The following CHRNG variants were observed in gnomAD, a reference collection of about 807,000 sequenced individuals.
CHRNG encodes the protein acetylcholine receptor subunit gamma.
A neutral mutation model predicts 65.2 loss-of-function variants in CHRNG; 72 were observed. The observed-to-expected ratio is 1.10, with a 90% confidence interval of 0.91 to 1.34. CHRNG has a LOEUF of 1.34. Ranked by LOEUF, CHRNG falls within the 40% of genes most tolerant of loss-of-function variation. CHRNG has a pLI of 0.00. For synonymous variants in CHRNG, 284 were observed against 290.2 expected, an observed-to-expected ratio of 0.98 and a Z score of 0.22; for missense variants, 637 against 680.1, an observed-to-expected ratio of 0.94 and a Z score of 0.70.
In CHRNG at chr2:232,541,257, TG is replaced by T; in HGVS notation, c.351-115del. ...GGGAACCAGTCAGGGGGTGACAGGCTGGTAGGGACTGGTGTCCCCAGGCCCC... is the reference window on the plus strand; with the variant it reads ...GGGAACCAGTCAGGGGGTGACAGGCTGTAGGGACTGGTGTCCCCAGGCCCC... On this transcript the variant is annotated intron_variant, in intron 4 of 11. Transcript: ENST00000651502. This position sits in a 1 kb window ranked among gnomAD's most constrained non-coding sequence, Gnocchi z 4.0. 1 of 1,281,558 alleles carries T rather than the reference TG, an allele frequency of 7.8e-7. No homozygotes were observed. The highest frequency in any genetic ancestry group is 1.1e-6 in the Non-Finnish European group (1 of 893,640). The allele number at this position is 1,281,558 out of a possible 1,614,324, so 79.4% of individuals were successfully genotyped here.
At chr2:232,543,486 C>CCCCG in intron 8 of CHRNG, 97 bp downstream of exon 8, 1 of 1,182,716 alleles carries the variant, frequency 8.5e-7, no homozygotes, top group South Asian at 1.3e-5. Context: ...ATCCACCCCC[C>CCCCG]CCATCCTCAA....
Position 232,544,562 on chromosome 2 carries a change from G to A in CHRNG, c.1231G>A (p.Ala411Thr). 1 of 1,613,192 alleles carries A rather than the reference G, an allele frequency of 6.2e-7. No individual in the cohort carries two copies. Among genetic ancestry groups the A allele is most frequent in the Non-Finnish European group, 8.5e-7 (1 of 1,179,682 alleles). ...QQWQRQGLVA[A>T]ALEKLEKGPE... is the part of the protein sequence containing the mutation. The stretch of plus-strand genomic sequence containing the variant: ...GTGGCAGCGGCAAGGGCTGGTGGCG[G>A]CAGCGCTGGAGAAGCTAGGTGAGAC... The change falls in exon 10 of 12, where the codon GCA becomes ACA. Residue 411 changes from alanine to threonine, a missense_variant. Coordinates refer to ENST00000651502, the MANE Select transcript of CHRNG (RefSeq NM_005199.5).
chr2:232,547,447 A>G lies in CHRNG; in HGVS notation c.*1731A>G, dbSNP rs1299978663. ...AAATAAAAAAATTACAAAACTGAAA[A>G]AAGAAAAGTGAAAGTGCCACATAAA... On this transcript the variant is annotated 3_prime_UTR_variant, in exon 12 of 12. Transcript: ENST00000651502. 6.6e-6 allele frequency among the ~76,000 whole-genome samples: 1 copy of G among 152,180 alleles called. No individual in the cohort carries two copies. Among genetic ancestry groups the G allele is most frequent in the Non-Finnish European group, 1.5e-5 (1 of 68,036 alleles).
In CHRNG at chr2:232,541,187, C is replaced by T. The variant is rs761156431; in HGVS notation, c.351-187C>T. 4.1e-4 allele frequency among the ~76,000 whole-genome samples: 27 copies of T among 66,414 alleles called. No individual in the cohort carries two copies. The highest frequency in any genetic ancestry group is 5.3e-4 in the Admixed American group (3 of 5,706). The allele number at this position is 66,414 out of a possible 152,430, so 43.6% of individuals were successfully genotyped here. On this transcript the variant is annotated intron_variant, in intron 4 of 11. Coordinates refer to ENST00000651502, the MANE Select transcript of CHRNG (RefSeq NM_005199.5). This position sits in a 1 kb window ranked among gnomAD's most constrained non-coding sequence, Gnocchi z 4.0. ...GGTGCCTGAGGAAGTCTGTCTGGGGCGGGGGGTGGCAGGAGGATTGCTGGG... is the reference window on the plus strand; with the variant it reads ...GGTGCCTGAGGAAGTCTGTCTGGGGTGGGGGGTGGCAGGAGGATTGCTGGG...
Position 232,545,568 on chromosome 2 carries a change from G to A in CHRNG, c.1406G>A (p.Gly469Asp). ...GGGAATGAGGAGTGGTTCCTGGTGG[G>A]CCGAGTGCTGGACCGCGTCTGCTTC... is the stretch of plus-strand genomic sequence containing the variant. ...DNGNEEWFLV[G>D]RVLDRVCFLA... Residue 469 changes from glycine (G) to aspartate (D), a missense_variant, in exon 12 of 12, where the codon GGC (glycine) becomes GAC (aspartate). Physicochemically the swap from Gly to Asp is moderately conservative, Grantham distance 94. Transcript: ENST00000651502. The A allele has an allele frequency of 6.2e-7, 1 of 1,613,910 alleles. No individual in the cohort carries two copies.
intron 7 of CHRNG, 88 bp downstream of exon 7, chr2:232,543,170 C>T: frequency 6.6e-7 from 1 of 1,526,038 alleles, no homozygotes; most frequent in Admixed American, 1.7e-5. Flanking sequence ...AACAGAGTGG[C>T]ATTACGACCC....
rs778912401 is a variant in CHRNG, at chr2:232,540,026, C to T, written c.90C>T (p.Leu30=). The change falls in exon 2 of 12, where the codon CTC becomes CTT. Residue 30 remains leucine (L), a synonymous_variant. Coordinates refer to ENST00000651502, the MANE Select transcript of CHRNG (RefSeq NM_005199.5). The surrounding 1 kb of genome is among the most constrained non-coding windows in gnomAD (Gnocchi z 4.2). ...GCCGGAACCAGGAGGAGCGCCTGCT[C>T]GCAGACCTGATGCAAAACTACGACC... ...AQGRNQEERL[L]ADLMQNYDPN... 2.0e-5 allele frequency: 32 copies of T among 1,614,092 alleles called. No homozygotes were observed. Among genetic ancestry groups the T allele is most frequent in the South Asian group, 1.5e-4 (14 of 91,092 alleles).
chr2:232,541,095 C>CTATTATTATTATTAT lies in CHRNG; in HGVS notation c.351-269_351-255dup, dbSNP rs202064405. Among the ~76,000 whole-genome samples the CTATTATTATTATTAT allele has an allele frequency of 2.2e-4, 33 of 149,934 alleles. No homozygotes were observed. Among genetic ancestry groups the CTATTATTATTATTAT allele is most frequent in the African/African-American group, 6.9e-4 (28 of 40,602 alleles). On this transcript the variant is annotated intron_variant, in intron 4 of 11. Coordinates refer to ENST00000651502, the MANE Select transcript of CHRNG (RefSeq NM_005199.5). The surrounding 1 kb of genome is among the most constrained non-coding windows in gnomAD (Gnocchi z 4.0). The stretch of plus-strand genomic sequence containing the variant: ...CTTAACACATTAGTCGCTATTATGA[C>CTATTATTATTATTAT]TATTATTATTATTATTATTATTATG...
Position 232,541,393 on chromosome 2 carries a change from G to T in CHRNG, c.370G>T (p.Val124Leu). ...ATACAGCGTGGACGGTGTCTTCGAG[G>T]TGGCCCTCTACTGCAATGTGCTCGT... ...LENNVDGVFE[V>L]ALYCNVLVSP... The change falls in exon 5 of 12, where the codon GTG becomes TTG. Residue 124 changes from valine to leucine, a missense_variant. By Grantham distance (32) the Val-to-Leu change is conservative. Transcript: ENST00000651502. This position sits in a 1 kb window ranked among gnomAD's most constrained non-coding sequence, Gnocchi z 4.0. 4 of 1,614,104 alleles carry T rather than the reference G, an allele frequency of 2.5e-6. No homozygotes were observed. Among genetic ancestry groups the T allele is most frequent in the Non-Finnish European group, 3.4e-6 (4 of 1,179,990 alleles).
Position 232,541,629 on chromosome 2 carries a change from C to T in CHRNG, c.506+100C>T. 6.9e-7 allele frequency: 1 copy of T among 1,443,556 alleles called. No individual in the cohort carries two copies. Among genetic ancestry groups the T allele is most frequent in the Non-Finnish European group, 9.6e-7 (1 of 1,038,618 alleles). 89.4% of individuals were successfully genotyped at this position (1,443,556 alleles called of 1,614,324 possible). ...GCAAGGCTTCTGGCCTTGGCTCTGG[C>T]AGCACCTAGAGGCCTGGCTCCATCT... On this transcript the variant is annotated intron_variant, in intron 5 of 11. Transcript: ENST00000651502. This position sits in a 1 kb window ranked among gnomAD's most constrained non-coding sequence, Gnocchi z 4.0.
rs770381319 is a variant in CHRNG at position 232,541,358 on chromosome 2, T to G, written c.351-16T>G. ...GAGCCCACAGCCTCGTGGCCTGGCC[T>G]GTTCTGTGCATACAGCGTGGACGGT... On this transcript the variant is annotated splice_polypyrimidine_tract_variant and intron_variant, in intron 4 of 11. Coordinates refer to ENST00000651502, the MANE Select transcript of CHRNG (RefSeq NM_005199.5). The surrounding 1 kb of genome is among the most constrained non-coding windows in gnomAD (Gnocchi z 4.0). 6.2e-7 allele frequency: 1 copy of G among 1,613,976 alleles called. No homozygotes were observed. Among genetic ancestry groups the G allele is most frequent in the South Asian group, 1.1e-5 (1 of 91,090 alleles).
chr2:232,543,362 C>G lies in CHRNG; in HGVS notation c.893C>G (p.Thr298Ser), dbSNP rs1250908632. The change falls in exon 8 of 12, where the codon ACC becomes AGC. Residue 298 changes from threonine (T) to serine (S), a missense_variant. Coordinates refer to ENST00000651502, the MANE Select transcript of CHRNG (RefSeq NM_005199.5). ...CTTGTGGCCAAGAAGGTGCCTGAAA[C>G]CTCCCAGGCGGTGCCACTCATCAGC... ...LFLVAKKVPE[T>S]SQAVPLISKY... is the part of the protein sequence containing the mutation. 6.2e-7 allele frequency: 1 copy of G among 1,613,726 alleles called. No homozygotes were observed. Among genetic ancestry groups the G allele is most frequent in the East Asian group, 2.2e-5 (1 of 44,876 alleles).
rs1692056321 is a variant in CHRNG, at chr2:232,543,350, A to T, written c.881A>T (p.Lys294Met). Residue 294 changes from lysine to methionine, a missense_variant, in exon 8 of 12, where the codon AAG becomes ATG. By Grantham distance (95) the Lys-to-Met change is moderately conservative. Transcript: ENST00000651502. ...GTCTTCCTCTTCCTTGTGGCCAAGA[A>T]GGTGCCTGAAACCTCCCAGGCGGTG... ...QTVFLFLVAK[K>M]VPETSQAVPL... 2 of 1,614,116 alleles carry T rather than the reference A, an allele frequency of 1.2e-6. No individual in the cohort carries two copies. The highest frequency in any genetic ancestry group is 1.1e-5 in the South Asian group (1 of 91,088).
chr2:232,540,717 G>T lies in CHRNG; in HGVS notation c.350+6G>T, dbSNP rs1168339408. 9.9e-6 allele frequency: 16 copies of T among 1,609,422 alleles called. No homozygotes were observed. The highest frequency in any genetic ancestry group is 1.3e-5 in the Non-Finnish European group (15 of 1,178,822). On this transcript the variant is annotated splice_donor_region_variant and intron_variant, in intron 4 of 11. Transcript: ENST00000651502. This position sits in a 1 kb window ranked among gnomAD's most constrained non-coding sequence, Gnocchi z 4.2. Reference sequence around the variant, plus strand: ...GATATCGTGCTGGAGAACAAGTGAGGAGGGGGTGCAGGCAGGGGTGTGGGG... The same window carrying T: ...GATATCGTGCTGGAGAACAAGTGAGTAGGGGGTGCAGGCAGGGGTGTGGGG...
chr2:232,541,503 C>A lies in CHRNG; in HGVS notation c.480C>A (p.Asp160Glu). Residue 160 changes from aspartate to glutamate, a missense_variant, in exon 5 of 12, where the codon GAC becomes GAA. Transcript: ENST00000651502. This position sits in a 1 kb window ranked among gnomAD's most constrained non-coding sequence, Gnocchi z 4.0. The stretch of plus-strand genomic sequence containing the variant: ...TCTCAGTCACCTACTTCCCCTTCGA[C>A]TGGCAGAACTGCTCCCTTATCTTCC... ...CSISVTYFPF[D>E]WQNCSLIFQS... The A allele has an allele frequency of 6.2e-7, 1 of 1,614,068 alleles. No individual in the cohort carries two copies. Among genetic ancestry groups the A allele is most frequent in the Non-Finnish European group, 8.5e-7 (1 of 1,179,982 alleles).
At position 232,540,549 on chromosome 2, in the gene CHRNG, G is replaced by C; in HGVS notation, c.241-53G>C. Reference sequence around the variant, plus strand: ...CTCTTGGGCTGGATGCCCACTCCTAGGGCTGTGGTGCAGCAGAGGGCAGAG... The same window carrying C: ...CTCTTGGGCTGGATGCCCACTCCTACGGCTGTGGTGCAGCAGAGGGCAGAG... On this transcript the variant is annotated intron_variant, in intron 3 of 11. Coordinates refer to ENST00000651502, the MANE Select transcript of CHRNG (RefSeq NM_005199.5). This position sits in a 1 kb window ranked among gnomAD's most constrained non-coding sequence, Gnocchi z 4.2. 6.2e-7 allele frequency: 1 copy of C among 1,601,262 alleles called. No homozygotes were observed. The highest frequency in any genetic ancestry group is 8.5e-7 in the Non-Finnish European group (1 of 1,174,764).
intron 5 of CHRNG, among the ~76,000 whole-genome samples, chr2:232,542,196 G>A (rs1692030400): frequency 6.6e-6 from 1 of 152,156 alleles, no homozygotes; most frequent in Non-Finnish European, 1.5e-5. Flanking sequence ...AGCCAGGTGA[G>A]GGCCCTGCAG....
At position 232,545,919 on chromosome 2, in the gene CHRNG, G is replaced by A; in HGVS notation, c.*203G>A. 1 of 668,558 alleles carries A rather than the reference G, an allele frequency of 1.5e-6. No homozygotes were observed. The highest frequency in any genetic ancestry group is 2.7e-6 in the Non-Finnish European group (1 of 373,226). 41.4% of individuals were successfully genotyped at this position (668,558 alleles called of 1,614,324 possible). A position where few individuals can be genotyped will look rare whatever the true frequency, so the allele number is the denominator to read the frequency against. Reference sequence around the variant, plus strand: ...TGGTTGGGGGTGGGCCGTGGCTAGTGTCCTGCTGCAGTCAGCACACACGTG... The same window carrying A: ...TGGTTGGGGGTGGGCCGTGGCTAGTATCCTGCTGCAGTCAGCACACACGTG... On this transcript the variant is annotated 3_prime_UTR_variant, in exon 12 of 12. Coordinates refer to ENST00000651502, the MANE Select transcript of CHRNG (RefSeq NM_005199.5).
At position 232,541,747 on chromosome 2, in the gene CHRNG, G is replaced by T; in HGVS notation, c.506+218G>T. On this transcript the variant is annotated intron_variant, in intron 5 of 11. Coordinates refer to ENST00000651502, the MANE Select transcript of CHRNG (RefSeq NM_005199.5). The surrounding 1 kb of genome is among the most constrained non-coding windows in gnomAD (Gnocchi z 4.0). ...CGAGTCCCCTCACTCATCCTTTACT[G>T]CCTCAGTTTCCTCACCTGTGCTCCA... 1 of 609,886 alleles carries T rather than the reference G, an allele frequency of 1.6e-6. No individual in the cohort carries two copies. The highest frequency in any genetic ancestry group is 2.9e-6 in the Non-Finnish European group (1 of 344,318). The allele number at this position is 609,886 out of a possible 1,614,324, so 37.8% of individuals were successfully genotyped here.
Sources: gnomAD v4.1 joint callset for allele counts (sites outside exome capture counted in the v4.1 genomes callset) on GRCh38, gnomAD v4.1.1 for gene constraint, Gnocchi (gnomAD v3.1) non-coding constraint, MANE v1.5 for transcripts, NCBI Gene and HGNC (gene_info 2026-07-23, HGNC 2026-07-21) for gene names.